PPFIA1: variants seen among roughly 807,000 people sequenced by gnomAD.
PPFIA1 encodes liprin-alpha-1.
PPFIA1 carries 25 observed loss-of-function variants against 149.9 expected under a neutral mutation model. That is an observed-to-expected ratio of 0.17 (90% CI 0.12 to 0.23). PPFIA1 has a LOEUF of 0.23. Ranked by LOEUF, PPFIA1 falls within the 10% of genes least tolerant of loss-of-function variation. PPFIA1 has a pLI of 1.00. For synonymous variants in PPFIA1, 549 were observed against 552.8 expected (o/e 0.99, Z 0.10); for missense variants, 1,362 against 1,506.5 (o/e 0.90, Z 1.59).
intron 2 of PPFIA1, among the ~76,000 whole-genome samples, chr11:70,307,909 G>C (rs979416286): frequency 6.6e-6 from 1 of 152,186 alleles, no homozygotes; most frequent in African/African-American, 2.4e-5. Context: ...CTGGGAAACA[G>C]AACAAGACTT....
rs7943276 is a variant in PPFIA1, at chr11:70,354,420, C to G, written c.2283C>G (p.Thr761=). 9,192 of 1,613,860 alleles carry G rather than the reference C, an allele frequency of 5.7e-3. 513 individuals carry two copies. In the African/African-American group the frequency reaches 0.11, roughly 19 times the overall value. Residue 761 remains threonine (T), a synonymous_variant, in exon 17 of 28, where the codon ACC becomes ACG. Transcript: ENST00000253925. ...GGCTGCACAAAGGGGCGCTGCACAC[C>G]GTCAGCCACGAGGACATCAGGGACA... ...LDRLHKGALH[T]VSHEDIRDIR...
rs541253812 is a variant in PPFIA1 at position 70,300,690 on chromosome 11, C to T, written c.265-23712C>T. Among the ~76,000 whole-genome samples the T allele has an allele frequency of 1.1e-3, 160 of 152,222 alleles. 1 individual carries two copies. Among genetic ancestry groups the T allele is most frequent in the Non-Finnish European group, 1.8e-3 (120 of 68,018 alleles). On this transcript the variant is annotated intron_variant, in intron 2 of 27. Coordinates refer to ENST00000253925, the MANE Select transcript of PPFIA1 (RefSeq NM_003626.5). The stretch of plus-strand genomic sequence containing the variant: ...CTGGGACTACAGGCGCCCGCCACCA[C>T]GCCCAGCTAATTTTATGTATTTTTA...
intron 2 of PPFIA1, among the ~76,000 whole-genome samples, chr11:70,283,309 C>A (rs1200160500): frequency 6.6e-6 from 1 of 152,018 alleles, no homozygotes; most frequent in African/African-American, 2.4e-5. Context: ...TTTAGAAGAC[C>A]TCTTGCTTGA....
intron 2 of PPFIA1, among the ~76,000 whole-genome samples, chr11:70,285,417 G>C (rs1029840556): frequency 6.6e-6 from 1 of 152,072 alleles, no homozygotes; most frequent in African/African-American, 2.4e-5. Flanking sequence ...CTCTTGCCGG[G>C]TGCGGTGGCT....
chr11:70,349,485 C>A (rs2137245460), intron 16 of PPFIA1, among the ~76,000 whole-genome samples: 1 of 152,228 alleles, frequency 6.6e-6, no homozygotes, highest in African/African-American at 2.4e-5. Context: ...AAAAACCAAA[C>A]TATCTTGTAT....
chr11:70,299,509 C>G (rs1398270100), intron 2 of PPFIA1, among the ~76,000 whole-genome samples: 2 of 152,186 alleles, frequency 1.3e-5, no homozygotes, highest in Non-Finnish European at 2.9e-5. Flanking sequence ...TTCATCTGAA[C>G]AAACCCTCTC....
At chr11:70,292,956 C>T (rs1182995271) in intron 2 of PPFIA1, among the ~76,000 whole-genome samples, 1 of 152,192 alleles carries the variant, frequency 6.6e-6, no homozygotes, top group Non-Finnish European at 1.5e-5. Context: ...CCTTCCACTC[C>T]TTGCACCTAC....
chr11:70,272,723 A>G (rs970133151), intron 2 of PPFIA1, among the ~76,000 whole-genome samples: 2 of 152,310 alleles, frequency 1.3e-5, no homozygotes, highest in Admixed American at 1.3e-4. Context: ...AAGGGCTCTG[A>G]AGCAACCAAT....
intron 23 of PPFIA1, 75 bp downstream of exon 23, chr11:70,372,649 T>G (rs1292263202): frequency 3.2e-6 from 4 of 1,258,122 alleles, no homozygotes; most frequent in Non-Finnish European, 4.5e-6. Flanking sequence ...GACTTCCTAT[T>G]TTTCAAAAAA....
intron 2 of PPFIA1, among the ~76,000 whole-genome samples, chr11:70,295,294 C>T (rs1258390859): frequency 1.5e-5 from 2 of 130,994 alleles, no homozygotes; most frequent in East Asian, 4.3e-4. Flanking sequence ...GACCCCCCCA[C>T]CTCCCTCCCG....
Position 70,380,392 on chromosome 11 carries a change from T to C in PPFIA1, c.3551-1696T>C, listed in dbSNP as rs866470003. Among the ~76,000 whole-genome samples, 33 of 145,642 alleles carry C rather than the reference T, an allele frequency of 2.3e-4. No individual in the cohort carries two copies. The East Asian group carries it at 2.6e-3, about 12-fold the overall frequency. ...ACCATCCTGGCTAACACGGTGAAAC[T>C]CCATCTCTACTAAAAATACAAAAAA... On this transcript the variant is annotated intron_variant, in intron 26 of 27. Coordinates refer to ENST00000253925, the MANE Select transcript of PPFIA1 (RefSeq NM_003626.5).
At chr11:70,302,376 A>C (rs1357350259) in intron 2 of PPFIA1, among the ~76,000 whole-genome samples, 1 of 152,176 alleles carries the variant, frequency 6.6e-6, no homozygotes, top group Non-Finnish European at 1.5e-5. Context: ...CTGTGAGCTC[A>C]CAGGAAGGTG....
chr11:70,375,192 A>AAC, intron 24 of PPFIA1, 99 bp downstream of exon 24: 2 of 410,026 alleles, frequency 4.9e-6, no homozygotes, highest in Non-Finnish European at 6.9e-6. Context: ...AAAAAAAAAA[A>AAC]AAAAAAAAAA....
intron 2 of PPFIA1, among the ~76,000 whole-genome samples, chr11:70,310,525 A>G (rs7120936): frequency 0.13 from 19,626 of 151,724 alleles, 1,384 homozygotes; most frequent in Admixed American, 0.18. Flanking sequence ...AGCTGGGACT[A>G]CAGGTGCGCG....
At chr11:70,348,936 A>G (rs1459306033) in intron 16 of PPFIA1, among the ~76,000 whole-genome samples, 1 of 152,132 alleles carries the variant, frequency 6.6e-6, no homozygotes, top group Non-Finnish European at 1.5e-5. Context: ...GCATTACACC[A>G]TTTGTTTGTG....
intron 2 of PPFIA1, among the ~76,000 whole-genome samples, chr11:70,299,617 A>G (rs1447332292): frequency 6.6e-6 from 1 of 152,000 alleles, no homozygotes; most frequent in East Asian, 1.9e-4. Context: ...AGACGTGTCC[A>G]TTGGGTGTCC....
At chr11:70,290,112 C>T (rs971720842) in intron 2 of PPFIA1, among the ~76,000 whole-genome samples, 1 of 151,946 alleles carries the variant, frequency 6.6e-6, no homozygotes, top group Non-Finnish European at 1.5e-5. Context: ...CATCTGTAGT[C>T]CCAGCTACTC....
chr11:70,335,467 G>C, intron 10 of PPFIA1, 96 bp from the exon 11 acceptor site: 1 of 1,424,102 alleles, frequency 7.0e-7, no homozygotes, highest in Non-Finnish European at 9.6e-7. Context: ...GGGAGGGGAG[G>C]GCACACATGG....
chr11:70,367,721 G>A (rs1034297924), intron 21 of PPFIA1: 2 of 398,908 alleles, frequency 5.0e-6, no homozygotes, highest in Admixed American at 6.4e-5. Context: ...TGAGGAAACA[G>A]AAACAAGTAG....
Sources: allele counts gnomAD v4.1 joint callset (sites outside exome capture counted in the v4.1 genomes callset), GRCh38; gene constraint gnomAD v4.1.1; transcripts MANE v1.5; gene names NCBI Gene and HGNC (gene_info 2026-07-23, HGNC 2026-07-21).